Variants in CDH4 observed in about 807,000 individuals in gnomAD.
The protein encoded by CDH4 is cadherin-4.
In CDH4, 33 loss-of-function variants were observed where a neutral mutation model predicts 86.0. That is an observed-to-expected ratio of 0.38 (90% CI 0.29 to 0.51). The LOEUF is 0.51. CDH4 is among the 20% of genes least tolerant of loss of function. CDH4 has a pLI of 0.86. For missense variants in CDH4, 1,114 were observed against 1,307.4 expected, an observed-to-expected ratio of 0.85 and a Z score of 2.28; for synonymous variants, 555 against 549.4, an observed-to-expected ratio of 1.01 and a Z score of -0.14.
chr20:61,258,504 A>G (rs2084113337), intron 2 of CDH4, among the ~76,000 whole-genome samples: 1 of 152,102 alleles, frequency 6.6e-6, no homozygotes, highest in Non-Finnish European at 1.5e-5. Flanking sequence ...TATCTGGCCA[A>G]TCATCTCTCT....
chr20:61,597,443 C>G (rs2086565010), intron 2 of CDH4, among the ~76,000 whole-genome samples: 1 of 152,236 alleles, frequency 6.6e-6, no homozygotes, highest in Non-Finnish European at 1.5e-5. Context: ...GCCTCCTGGC[C>G]AGCCTGGCTG....
At chr20:61,657,739 T>A (rs1266208096) in intron 2 of CDH4, among the ~76,000 whole-genome samples, 1 of 152,252 alleles carries the variant, frequency 6.6e-6, no homozygotes, top group Non-Finnish European at 1.5e-5. Flanking sequence ...TGCTTAAGAA[T>A]ATAAATGCAG....
intron 4 of CDH4, among the ~76,000 whole-genome samples, chr20:61,838,137 CCTGCCTGT>C (rs56125179): frequency 0.46 from 69,372 of 150,312 alleles, 18,213 homozygotes; most frequent in Non-Finnish European, 0.61. Context: ...GGGCCGTCTA[CCTGCCTGT>C]CTGCCTGTCT....
At chr20:61,701,728 G>A (rs1426148615) in intron 2 of CDH4, among the ~76,000 whole-genome samples, 1 of 152,256 alleles carries the variant, frequency 6.6e-6, no homozygotes, top group Non-Finnish European at 1.5e-5. Flanking sequence ...CTGGAACCTC[G>A]GTTCGGCTCA....
intron 2 of CDH4, among the ~76,000 whole-genome samples, chr20:61,669,230 G>C (rs1324697638): frequency 6.6e-6 from 1 of 152,216 alleles, no homozygotes; most frequent in Non-Finnish European, 1.5e-5. Context: ...GTGACTGTGG[G>C]CCTGGAGAGT....
chr20:61,393,639 A>C lies in CDH4; in HGVS notation c.169+138702A>C, dbSNP rs988376721. On this transcript the variant is annotated intron_variant, in intron 2 of 15. Transcript: ENST00000614565. This position sits in a 1 kb window ranked among gnomAD's most constrained non-coding sequence, Gnocchi z 4.3. The stretch of plus-strand genomic sequence containing the variant: ...GTTGAGTAACAGAGACCCAAAGCAT[A>C]GTGGTTGCAGCGAGGATCATCGAAG... Among the ~76,000 whole-genome samples the C allele has an allele frequency of 4.6e-5, 7 of 152,130 alleles. No homozygotes were observed. The highest frequency in any genetic ancestry group is 1.0e-4 in the Non-Finnish European group (7 of 68,022).
At chr20:61,778,374 C>A (rs543748680) in intron 4 of CDH4, among the ~76,000 whole-genome samples, 1 of 152,016 alleles carries the variant, frequency 6.6e-6, no homozygotes, top group Non-Finnish European at 1.5e-5. Context: ...AAAAAACGAG[C>A]GGGAGAGGAG....
chr20:61,771,662 T>C (rs2088777703), intron 3 of CDH4, among the ~76,000 whole-genome samples: 1 of 151,446 alleles, frequency 6.6e-6, no homozygotes, highest in African/African-American at 2.4e-5. Context: ...GTGCAGTTGA[T>C]GCTGTATGTA....
At chr20:61,640,177 C>T (rs931424949) in intron 2 of CDH4, among the ~76,000 whole-genome samples, 10 of 152,302 alleles carry the variant, frequency 6.6e-5, no homozygotes, top group East Asian at 1.9e-4. Context: ...CGCTCAAAGT[C>T]GTTGACTCTT....
chr20:61,450,199 C>G (rs1289357275), intron 2 of CDH4, among the ~76,000 whole-genome samples: 1 of 152,208 alleles, frequency 6.6e-6, no homozygotes, highest in Non-Finnish European at 1.5e-5. Flanking sequence ...TCAGGGCTGT[C>G]TCTGTATGAC....
At chr20:61,511,559 G>A (rs373080033) in intron 2 of CDH4, among the ~76,000 whole-genome samples, 1 of 152,190 alleles carries the variant, frequency 6.6e-6, no homozygotes, top group African/African-American at 2.4e-5. Flanking sequence ...CCAGCAGCGG[G>A]TACTTCCCAA....
intron 2 of CDH4, among the ~76,000 whole-genome samples, chr20:61,292,163 A>G (rs1228618225): frequency 1.3e-5 from 2 of 152,186 alleles, no homozygotes; most frequent in Admixed American, 6.5e-5. Flanking sequence ...AAATCATTCT[A>G]CCCTAAAGAC....
At chr20:61,547,370 G>A (rs531555886) in intron 2 of CDH4, among the ~76,000 whole-genome samples, 32 of 151,696 alleles carry the variant, frequency 2.1e-4, no homozygotes, top group African/African-American at 6.3e-4. Context: ...CTGCCACTGC[G>A]CCCGGCTAAT....
chr20:61,855,412 G>A (rs1295963863), intron 6 of CDH4, among the ~76,000 whole-genome samples: 1 of 152,208 alleles, frequency 6.6e-6, no homozygotes, highest in African/African-American at 2.4e-5. Context: ...GCAGGCAGGG[G>A]GTGAGCAGAT....
Position 61,929,811 on chromosome 20 carries a change from G to A in CDH4, c.2208G>A (p.Val736=). Residue 736 remains valine (V), a synonymous_variant, in exon 13 of 16, where the codon GTG becomes GTA. Transcript: ENST00000614565. ...AAAGLGTGAI[V]AILICILILL... is the part of the protein sequence containing the mutation. ...CTGGTCTGGGCACCGGTGCCATCGT[G>A]GCCATCCTCATCTGCATCCTCATCC... is the stretch of plus-strand genomic sequence containing the variant. 6.2e-7 allele frequency: 1 copy of A among 1,613,968 alleles called. No homozygotes were observed. The highest frequency in any genetic ancestry group is 8.5e-7 in the Non-Finnish European group (1 of 1,180,000).
intron 7 of CDH4, among the ~76,000 whole-genome samples, chr20:61,881,531 G>A (rs1244665644): frequency 6.6e-6 from 1 of 152,244 alleles, no homozygotes; most frequent in Non-Finnish European, 1.5e-5. Context: ...CCGCCTCAGA[G>A]CCTCCAGTGG....
intron 2 of CDH4, among the ~76,000 whole-genome samples, chr20:61,667,394 G>A (rs1813599090): frequency 6.6e-6 from 1 of 152,238 alleles, no homozygotes; most frequent in Non-Finnish European, 1.5e-5. Context: ...CTTGACAGAT[G>A]AGGAAACCGG....
rs1037643732 is a variant in CDH4 at position 61,926,817 on chromosome 20, G to A, written c.1772-1373G>A. Among the ~76,000 whole-genome samples, 4 of 152,320 alleles carry A rather than the reference G, an allele frequency of 2.6e-5. 1 individual carries two copies. The highest frequency in any genetic ancestry group is 1.5e-5 in the Non-Finnish European group (1 of 68,020). ...GAACCTGGGAGGCAGAGGTTGCAGT[G>A]AGCCAAGATCGCCCCATTGAACTCA... On this transcript the variant is annotated intron_variant, in intron 11 of 15. Coordinates refer to ENST00000614565, the MANE Select transcript of CDH4 (RefSeq NM_001794.5).
At chr20:61,367,640 C>G (rs2084818183) in intron 2 of CDH4, among the ~76,000 whole-genome samples, 1 of 152,086 alleles carries the variant, frequency 6.6e-6, no homozygotes. Context: ...CGAGTCCACA[C>G]TGAAGTAAAT....
Sources: gnomAD v4.1 joint callset for allele counts (sites outside exome capture counted in the v4.1 genomes callset) on GRCh38, gnomAD v4.1.1 for gene constraint, Gnocchi (gnomAD v3.1) non-coding constraint, MANE v1.5 for transcripts, NCBI Gene and HGNC (gene_info 2026-07-23, HGNC 2026-07-21) for gene names.